The following SLC27A6 variants were observed in gnomAD, a reference collection of about 807,000 sequenced individuals.
SLC27A6 encodes the protein long-chain fatty acid transport protein 6.
SLC27A6 carries 74 observed loss-of-function variants against 63.9 expected under a neutral mutation model. The ratio of observed to expected loss-of-function variants is 1.16; its 90% CI spans 0.96 to 1.40. The LOEUF is 1.40. Ranked by LOEUF, SLC27A6 falls within the 40% of genes most tolerant of loss-of-function variation. The pLI is 0.00. For synonymous variants in SLC27A6, 287 were observed against 260.8 expected (o/e 1.10, Z -0.97); for missense variants, 794 against 732.9 (o/e 1.08, Z -0.96).
chr5:128,967,926 G>A (rs899946420), intron 1 of SLC27A6, among the ~76,000 whole-genome samples: 44 of 146,310 alleles, frequency 3.0e-4, no homozygotes, highest in African/African-American at 9.2e-4. Context: ...CCCACCCCAC[G>A]ACAGGCCCTG....
At chr5:129,007,061 A>G (rs1037154947) in intron 4 of SLC27A6, among the ~76,000 whole-genome samples, 60 of 152,328 alleles carry the variant, frequency 3.9e-4, no homozygotes, top group African/African-American at 1.3e-3. Context: ...AATAATATAT[A>G]GATTTTTTTG....
chr5:129,019,020 A>G lies in SLC27A6; in HGVS notation c.1164+2941A>G, dbSNP rs569758293. On this transcript the variant is annotated intron_variant, in intron 5 of 9. Transcript: ENST00000262462. ...GAGATTTGATAAATGTCTGTCAAAA[A>G]TGCTAACCTAATGGAGGCTCATGCT... Among the ~76,000 whole-genome samples, 6 of 152,236 alleles carry G rather than the reference A, an allele frequency of 3.9e-5. No homozygotes were observed. The South Asian group carries it at 1.2e-3, about 32-fold the overall frequency.
At chr5:128,991,193 G>A (rs1346950627) in intron 4 of SLC27A6, among the ~76,000 whole-genome samples, 2 of 152,086 alleles carry the variant, frequency 1.3e-5, no homozygotes, top group African/African-American at 4.8e-5. Flanking sequence ...TAGCCTAATT[G>A]GTATTTTAGT....
intron 6 of SLC27A6, 46 bp from the exon 7 acceptor site, chr5:129,027,087 A>C: frequency 6.8e-7 from 1 of 1,474,618 alleles, no homozygotes; most frequent in Non-Finnish European, 9.5e-7. Context: ...TGTGTGTAAC[A>C]ATAGTTTTAA....
At position 128,985,177 on chromosome 5, in the gene SLC27A6, A is replaced by C; in HGVS notation, c.526A>C (p.Asn176His). 6.2e-7 allele frequency: 1 copy of C among 1,614,040 alleles called. No individual in the cohort carries two copies. The highest frequency in any genetic ancestry group is 1.3e-5 in the African/African-American group (1 of 75,038). ...AGAAATCCTTCCAAGCCTCTCAGAA[A>C]ATATCAGTGTTTGGGGGATGAAAGA... is the stretch of plus-strand genomic sequence containing the variant. ...VEEILPSLSENISVWGMKDSV... is the reference protein window; with the variant it reads ...VEEILPSLSEHISVWGMKDSV... Residue 176 changes from asparagine (N) to histidine (H), a missense_variant, in exon 2 of 10, where the codon AAT (asparagine) becomes CAT (histidine). Asn to His is a moderately conservative substitution (Grantham distance 68, BLOSUM62 1). Transcript: ENST00000262462.
chr5:129,005,822 C>G (rs572206878), intron 4 of SLC27A6, among the ~76,000 whole-genome samples: 54 of 151,652 alleles, frequency 3.6e-4, no homozygotes, highest in South Asian at 6.3e-4. Flanking sequence ...CGGTGTTAGC[C>G]AGGATGGTCT....
At chr5:129,029,537 T>C (rs2150156696) in intron 8 of SLC27A6, 40 bp from the exon 9 acceptor site, 2 of 1,390,210 alleles carry the variant, frequency 1.4e-6, no homozygotes, top group East Asian at 2.3e-5. Flanking sequence ...TAAAGTTTAT[T>C]TGGTACTTAA....
chr5:128,970,754 C>T (rs1018203982), intron 1 of SLC27A6, among the ~76,000 whole-genome samples: 2 of 150,490 alleles, frequency 1.3e-5, no homozygotes, highest in African/African-American at 4.9e-5. Flanking sequence ...ATGTCTCTAT[C>T]TCCTTCAGTT....
intron 1 of SLC27A6, among the ~76,000 whole-genome samples, chr5:128,980,092 C>G (rs1044293901): frequency 6.6e-6 from 1 of 152,216 alleles, no homozygotes; most frequent in Non-Finnish European, 1.5e-5. Flanking sequence ...ATCTGTTGCT[C>G]TCCCTTCCAG....
At chr5:128,979,713 T>C (rs779725216) in intron 1 of SLC27A6, among the ~76,000 whole-genome samples, 1 of 152,196 alleles carries the variant, frequency 6.6e-6, no homozygotes, top group Non-Finnish European at 1.5e-5. Flanking sequence ...TTGGTTATAA[T>C]AATATAATGT....
rs72056782 is a variant in SLC27A6, at chr5:129,006,446, AGTGTGTGT to A, written c.970-9408_970-9401del. Among the ~76,000 whole-genome samples, 784 of 144,088 alleles carry A rather than the reference AGTGTGTGT, an allele frequency of 5.4e-3. 3 individuals carry two copies. Among genetic ancestry groups the A allele is most frequent in the African/African-American group, 8.4e-3 (323 of 38,676 alleles). 94.5% of individuals were successfully genotyped at this position (144,088 alleles called of 152,430 possible). On this transcript the variant is annotated intron_variant, in intron 4 of 9. Coordinates refer to ENST00000262462, the MANE Select transcript of SLC27A6 (RefSeq NM_001017372.3). ...CCTTTCATATATGTATATATGCATG[AGTGTGTGT>A]GTGTGTGTGTGTGTGTGTGTGTGTG... is the stretch of plus-strand genomic sequence containing the variant.
chr5:128,980,313 TA>T (rs1750539710), intron 1 of SLC27A6, among the ~76,000 whole-genome samples: 1 of 152,204 alleles, frequency 6.6e-6, no homozygotes, highest in Non-Finnish European at 1.5e-5. Context: ...AACAACTGTA[TA>T]AGTTGTATGG....
rs563525003 is a variant in SLC27A6, at chr5:128,998,017, T to C, written c.969+7553T>C. On this transcript the variant is annotated intron_variant, in intron 4 of 9. Coordinates refer to ENST00000262462, the MANE Select transcript of SLC27A6 (RefSeq NM_001017372.3). The stretch of plus-strand genomic sequence containing the variant: ...AATGTAGGTTGAATGCAGTGACTCA[T>C]GCCTGTAATCCCAGCACTTTGGGAA... Among the ~76,000 whole-genome samples the C allele has an allele frequency of 7.3e-5, 11 of 151,230 alleles. 1 individual carries two copies. Among genetic ancestry groups the C allele is most frequent in the Admixed American group, 6.6e-4 (10 of 15,048 alleles).
chr5:129,031,456 C>T (rs1375691252), intron 9 of SLC27A6, among the ~76,000 whole-genome samples: 1 of 150,890 alleles, frequency 6.6e-6, no homozygotes, highest in Non-Finnish European at 1.5e-5. Context: ...TTGGTCCTTT[C>T]ATTCTGCTCA....
intron 3 of SLC27A6, 90 bp from the exon 4 acceptor site, chr5:128,990,250 T>G: frequency 7.8e-7 from 1 of 1,287,208 alleles, no homozygotes; most frequent in Non-Finnish European, 1.1e-6. Flanking sequence ...TGAGCAAACA[T>G]GTTCTAGACA....
chr5:129,012,894 G>GT lies in SLC27A6; in HGVS notation c.970-2982dup, dbSNP rs553005086. On this transcript the variant is annotated intron_variant, in intron 4 of 9. Transcript: ENST00000262462. ...TTTTATATTTTTATGCATTCTAAAA[G>GT]TTTTTTTTTCCATGATTACATATTT... Among the ~76,000 whole-genome samples, 735 of 150,892 alleles carry GT rather than the reference G, an allele frequency of 4.9e-3. 1 individual carries two copies. The highest frequency in any genetic ancestry group is 0.016 in the African/African-American group (666 of 41,228).
At chr5:128,987,256 G>A (rs1750821636) in intron 2 of SLC27A6, among the ~76,000 whole-genome samples, 1 of 152,006 alleles carries the variant, frequency 6.6e-6, no homozygotes, top group South Asian at 2.1e-4. Context: ...AATCTGAATA[G>A]CCCACATGTA....
intron 1 of SLC27A6, among the ~76,000 whole-genome samples, chr5:128,977,878 G>A (rs1750442151): frequency 1.3e-5 from 2 of 152,112 alleles, no homozygotes; most frequent in Non-Finnish European, 2.9e-5. Flanking sequence ...TGATATAAAA[G>A]CACCCCAACA....
intron 6 of SLC27A6, 30 bp from the exon 7 acceptor site, chr5:129,027,103 T>C (rs778340575): frequency 3.2e-6 from 5 of 1,580,330 alleles, no homozygotes; most frequent in African/African-American, 1.4e-5. Context: ...TTTAATCAGA[T>C]GGCTGCAAAA....
Sources: gnomAD v4.1 joint callset for allele counts (sites outside exome capture counted in the v4.1 genomes callset) on GRCh38, gnomAD v4.1.1 for gene constraint, MANE v1.5 for transcripts, NCBI Gene and HGNC (gene_info 2026-07-23, HGNC 2026-07-21) for gene names.